Variants in ZFR observed in about 807,000 individuals in gnomAD.
ZFR encodes zinc finger RNA-binding protein.
A neutral mutation model predicts 130.7 loss-of-function variants in ZFR; 19 were observed. The ratio of observed to expected loss-of-function variants is 0.15; its 90% CI spans 0.10 to 0.21. ZFR has a LOEUF of 0.21. ZFR is among the 10% of genes least tolerant of loss of function. The pLI is 1.00. For synonymous variants in ZFR, 466 were observed against 456.9 expected (o/e 1.02, Z -0.25); for missense variants, 872 against 1,321.5 (o/e 0.66, Z 5.27).
chr5:32,406,766 G>A lies in ZFR; in HGVS notation c.1032+8C>T, dbSNP rs201550041. 5.1e-5 allele frequency: 82 copies of A among 1,605,706 alleles called. No homozygotes were observed. Among genetic ancestry groups the A allele is most frequent in the Non-Finnish European group, 1.5e-5 (18 of 1,178,020 alleles). Reference sequence around the variant, plus strand: ...GAAGACTCAAGGTAAAACATACAACGTAAGTACCTGTGGTCCAGCACAGCT... The same window carrying A: ...GAAGACTCAAGGTAAAACATACAACATAAGTACCTGTGGTCCAGCACAGCT... On this transcript the variant is annotated splice_region_variant and intron_variant, in intron 6 of 19. Coordinates refer to ENST00000265069, the MANE Select transcript of ZFR (RefSeq NM_016107.5).
chr5:32,396,913 T>C (rs1753326724), intron 10 of ZFR, among the ~76,000 whole-genome samples: 2 of 152,242 alleles, frequency 1.3e-5, no homozygotes, highest in Non-Finnish European at 2.9e-5. Flanking sequence ...GATAAATAGT[T>C]GAGACTTTTT....
At chr5:32,431,330 A>G (rs1754210030) in intron 2 of ZFR, among the ~76,000 whole-genome samples, 2 of 152,222 alleles carry the variant, frequency 1.3e-5, no homozygotes, top group Non-Finnish European at 2.9e-5. Context: ...GGACTGATCA[A>G]GTTTAAAATA....
intron 18 of ZFR, 59 bp from the exon 19 acceptor site, chr5:32,364,104 T>A: frequency 6.3e-7 from 1 of 1,598,998 alleles, no homozygotes; most frequent in Non-Finnish European, 8.6e-7. Context: ...TAAAAAAAAT[T>A]ATTCAACCAG....
intron 2 of ZFR, among the ~76,000 whole-genome samples, chr5:32,436,949 T>A (rs189333711): frequency 3.5e-4 from 54 of 152,282 alleles, no homozygotes; most frequent in Admixed American, 3.2e-3. Context: ...GCAAAGAAAA[T>A]ATTATCTTCA....
chr5:32,395,411 G>A, intron 10 of ZFR, 107 bp from the exon 11 acceptor site: 3 of 867,950 alleles, frequency 3.5e-6, no homozygotes, highest in Non-Finnish European at 4.7e-6. Flanking sequence ...GCTTTTAGTT[G>A]CAAGTTTCCC....
chr5:32,422,172 T>C (rs1291292932), intron 2 of ZFR, among the ~76,000 whole-genome samples: 1 of 151,974 alleles, frequency 6.6e-6, no homozygotes, highest in African/African-American at 2.4e-5. Flanking sequence ...GGGAATAGGA[T>C]GGGAATGTTG....
chr5:32,429,708 C>T (rs1262851400), intron 2 of ZFR, among the ~76,000 whole-genome samples: 2 of 152,140 alleles, frequency 1.3e-5, no homozygotes, highest in African/African-American at 2.4e-5. Context: ...TTCCAGGTCA[C>T]ACAAAACACA....
At chr5:32,406,660 G>T in intron 6 of ZFR, 114 bp downstream of exon 6, 1 of 1,395,044 alleles carries the variant, frequency 7.2e-7, no homozygotes, top group Non-Finnish European at 9.4e-7. Flanking sequence ...AAAATGCACT[G>T]GCTAAAAGCT....
chr5:32,414,854 A>G lies in ZFR; in HGVS notation c.784+115T>C, dbSNP rs1276121159. 4 of 914,600 alleles carry G rather than the reference A, an allele frequency of 4.4e-6. No individual in the cohort carries two copies. The African/African-American group carries it at 5.0e-5, about 12-fold the overall frequency. 56.7% of individuals were successfully genotyped at this position (914,600 alleles called of 1,614,324 possible). ...TTATGTACCTATATTTATGTCTATC[A>G]ATTAATTTAATTCCTATTATTGGGA... is the stretch of plus-strand genomic sequence containing the variant. On this transcript the variant is annotated intron_variant, in intron 5 of 19. Transcript: ENST00000265069.
chr5:32,415,194 T>G lies in ZFR; in HGVS notation c.566-7A>C. On this transcript the variant is annotated splice_region_variant and splice_polypyrimidine_tract_variant and intron_variant, in intron 4 of 19. Transcript: ENST00000265069. Reference sequence around the variant, plus strand: ...CTGTAACCTGCTTTGGGGGCTGAAGTAGGAAAGAGACATCAGAAAATTAGA... The same window carrying G: ...CTGTAACCTGCTTTGGGGGCTGAAGGAGGAAAGAGACATCAGAAAATTAGA... 1 of 1,613,004 alleles carries G rather than the reference T, an allele frequency of 6.2e-7. No individual in the cohort carries two copies. Among genetic ancestry groups the G allele is most frequent in the Non-Finnish European group, 8.5e-7 (1 of 1,179,306 alleles).
At chr5:32,378,411 G>C (rs1450370746) in intron 17 of ZFR, among the ~76,000 whole-genome samples, 1 of 151,472 alleles carries the variant, frequency 6.6e-6, no homozygotes, top group African/African-American at 2.4e-5. Flanking sequence ...TGTTAAAAAA[G>C]ATTAAAAAAA....
chr5:32,418,384 G>A (rs1475782438), intron 3 of ZFR, among the ~76,000 whole-genome samples: 2 of 151,856 alleles, frequency 1.3e-5, no homozygotes, highest in Non-Finnish European at 1.5e-5. Context: ...TATTAAAAAA[G>A]TCACAGAAGT....
At chr5:32,390,843 T>A (rs917467256) in intron 11 of ZFR, among the ~76,000 whole-genome samples, 12 of 152,188 alleles carry the variant, frequency 7.9e-5, no homozygotes, top group African/African-American at 2.7e-4. Flanking sequence ...GTCTCTACTA[T>A]GAAGAAAAAC....
chr5:32,357,533 T>C (rs1003530858), intron 19 of ZFR, among the ~76,000 whole-genome samples: 1 of 152,216 alleles, frequency 6.6e-6, no homozygotes, highest in East Asian at 1.9e-4. Context: ...CCCGAAGTGC[T>C]GGGATTACAG....
At chr5:32,364,299 G>A in intron 17 of ZFR, 24 bp from the exon 18 acceptor site, 3 of 1,519,380 alleles carry the variant, frequency 2.0e-6, no homozygotes, top group South Asian at 1.3e-5. Flanking sequence ...ATAAAAATGT[G>A]TTTAACAGCT....
In ZFR at chr5:32,397,856, T is replaced by TTC. The variant is rs1370261018; in HGVS notation, c.1714-519_1714-518insGA. On this transcript the variant is annotated intron_variant, in intron 9 of 19. Transcript: ENST00000265069. ...ATGTGTTTGCTCTTGTATCTTTTTT[T>TTC]TTTTTTTTTTTTTTTTTTTGAGATG... Among the ~76,000 whole-genome samples the TTC allele has an allele frequency of 2.4e-5, 3 of 123,058 alleles. No individual in the cohort carries two copies. In the South Asian group the frequency reaches 8.7e-4, roughly 36 times the overall value. The allele number at this position is 123,058 out of a possible 152,430, so 80.7% of individuals were successfully genotyped here.
intron 10 of ZFR, among the ~76,000 whole-genome samples, chr5:32,396,395 G>A (rs987162735): frequency 6.6e-6 from 1 of 151,802 alleles, no homozygotes; most frequent in East Asian, 1.9e-4. Flanking sequence ...CACCTCCTCC[G>A]TGTTTAAAAC....
intron 3 of ZFR, 146 bp downstream of exon 3, chr5:32,419,675 C>T (rs1487524900): frequency 2.1e-6 from 3 of 1,406,838 alleles, no homozygotes; most frequent in African/African-American, 2.8e-5. Flanking sequence ...CCCAAACTAC[C>T]AAGGAATACT....
chr5:32,430,241 A>G (rs1330592848), intron 2 of ZFR, among the ~76,000 whole-genome samples: 1 of 152,138 alleles, frequency 6.6e-6, no homozygotes, highest in Non-Finnish European at 1.5e-5. Flanking sequence ...AGAGATTGTC[A>G]AAACTAAGAC....
Sources: gnomAD v4.1 joint callset for allele counts (sites outside exome capture counted in the v4.1 genomes callset) on GRCh38, gnomAD v4.1.1 for gene constraint, MANE v1.5 for transcripts, NCBI Gene and HGNC (gene_info 2026-07-23, HGNC 2026-07-21) for gene names.